The following MAGI2 variants were observed in gnomAD, a reference collection of about 807,000 sequenced individuals.
MAGI2 encodes membrane-associated guanylate kinase, WW and PDZ domain-containing protein 2.
Under a neutral mutation model 133.3 loss-of-function variants are expected in MAGI2, and 35 were observed. The observed-to-expected ratio is 0.26, with a 90% confidence interval of 0.20 to 0.35. MAGI2 has a LOEUF of 0.35. MAGI2 is among the 10% of genes least tolerant of loss of function. MAGI2 has a pLI of 1.00. For missense variants in MAGI2, 1,636 were observed against 1,863.4 expected (o/e 0.88, Z 2.25); for synonymous variants, 729 against 710.6 (o/e 1.03, Z -0.41).
intron 10 of MAGI2, chr7:78,252,467 A>G (rs565851884): frequency 3.3e-5 from 2 of 61,096 alleles, no homozygotes; most frequent in Admixed American, 1.4e-4. Flanking sequence ...GTACATAAGC[A>G]AAAAAAAAAA....
intron 1 of MAGI2, among the ~76,000 whole-genome samples, chr7:79,088,944 CA>C (rs2129542382): frequency 6.6e-6 from 1 of 151,994 alleles, no homozygotes; most frequent in South Asian, 2.1e-4. Flanking sequence ...CCAAAGTTGA[CA>C]AAGGGGATAT....
At chr7:79,320,064 T>C (rs1410337059) in intron 1 of MAGI2, among the ~76,000 whole-genome samples, 1 of 152,148 alleles carries the variant, frequency 6.6e-6, no homozygotes, top group Non-Finnish European at 1.5e-5. Flanking sequence ...GTGGTATGTC[T>C]TGGACATTCC....
intron 10 of MAGI2, among the ~76,000 whole-genome samples, chr7:78,248,447 T>G (rs1792028260): frequency 6.6e-6 from 1 of 152,114 alleles, no homozygotes. Context: ...TGTAAATGGA[T>G]TGAAATCTCC....
At chr7:78,627,023 A>G (rs1385597780) in intron 3 of MAGI2, 97 bp downstream of exon 3, 3 of 1,306,162 alleles carry the variant, frequency 2.3e-6, no homozygotes, top group Non-Finnish European at 3.0e-6. Flanking sequence ...CTCAAACCCA[A>G]AACAGCCCAT....
At chr7:79,084,470 T>A (rs1368873739) in intron 1 of MAGI2, among the ~76,000 whole-genome samples, 2 of 151,806 alleles carry the variant, frequency 1.3e-5, no homozygotes, top group Non-Finnish European at 3.0e-5. Flanking sequence ...CAAATTTTCC[T>A]CTATTAATCA....
intron 2 of MAGI2, among the ~76,000 whole-genome samples, chr7:78,990,621 T>A (rs1805665155): frequency 6.6e-6 from 1 of 152,054 alleles, no homozygotes; most frequent in Non-Finnish European, 1.5e-5. Flanking sequence ...GAATCTGTCT[T>A]CTACACTGCT....
At chr7:78,223,444 G>T (rs181688424) in intron 10 of MAGI2, among the ~76,000 whole-genome samples, 1 of 152,242 alleles carries the variant, frequency 6.6e-6, no homozygotes, top group African/African-American at 2.4e-5. Context: ...TACTTGTAAA[G>T]AGGGAAGACA....
intron 1 of MAGI2, among the ~76,000 whole-genome samples, chr7:79,260,025 G>A (rs1305592354): frequency 6.6e-6 from 1 of 152,188 alleles, no homozygotes; most frequent in Non-Finnish European, 1.5e-5. Context: ...CAATACAAAT[G>A]TATTTAAACA....
chr7:78,302,001 G>C (rs1445734643), intron 9 of MAGI2, among the ~76,000 whole-genome samples: 2 of 152,178 alleles, frequency 1.3e-5, no homozygotes, highest in African/African-American at 2.4e-5. Context: ...AGAGCCCTGA[G>C]CACAGGGTCT....
intron 1 of MAGI2, among the ~76,000 whole-genome samples, chr7:79,206,924 C>T (rs1829107299): frequency 6.6e-6 from 1 of 151,784 alleles, no homozygotes; most frequent in Non-Finnish European, 1.5e-5. Context: ...CGTATATCAA[C>T]AAAGGTGAAA....
chr7:79,265,359 T>C (rs187970801), intron 1 of MAGI2, among the ~76,000 whole-genome samples: 9 of 152,276 alleles, frequency 5.9e-5, no homozygotes, highest in Admixed American at 3.9e-4. Context: ...GCACTACCTC[T>C]TCCCAGTAAA....
intron 1 of MAGI2, among the ~76,000 whole-genome samples, chr7:79,099,962 C>T (rs1435373845): frequency 6.6e-6 from 1 of 152,144 alleles, no homozygotes; most frequent in Non-Finnish European, 1.5e-5. Context: ...GTGTATATGT[C>T]CTTCTACACT....
intron 1 of MAGI2, among the ~76,000 whole-genome samples, chr7:79,038,332 T>G (rs73141487): frequency 1.8e-3 from 275 of 152,262 alleles, no homozygotes; most frequent in African/African-American, 6.1e-3. Flanking sequence ...TTCTTTTTAA[T>G]TCATGTATTT....
At chr7:79,171,755 TATATATA>T (rs1173803202) in intron 1 of MAGI2, among the ~76,000 whole-genome samples, 1 of 31,856 alleles carries the variant, frequency 3.1e-5, no homozygotes, top group South Asian at 6.8e-4. Flanking sequence ...TATATATATA[TATATATA>T]TATATATATT....
chr7:78,691,244 G>A (rs929998883), intron 2 of MAGI2, among the ~76,000 whole-genome samples: 2 of 152,136 alleles, frequency 1.3e-5, no homozygotes, highest in Non-Finnish European at 2.9e-5. Context: ...GGCCCCTCTA[G>A]TTGCTATTTA....
chr7:79,080,994 CA>C (rs1315641480), intron 1 of MAGI2, among the ~76,000 whole-genome samples: 1 of 152,094 alleles, frequency 6.6e-6, no homozygotes, highest in African/African-American at 2.4e-5. Flanking sequence ...CCAAAACACA[CA>C]GTTCCTATAT....
chr7:78,425,468 A>C (rs1203458274), intron 6 of MAGI2, among the ~76,000 whole-genome samples: 1 of 152,218 alleles, frequency 6.6e-6, no homozygotes, highest in Non-Finnish European at 1.5e-5. Flanking sequence ...AAATGTGTTT[A>C]CTTGAGGTCA....
At chr7:78,358,793 C>A in intron 7 of MAGI2, 1 of 182,428 alleles carries the variant, frequency 5.5e-6, no homozygotes, top group East Asian at 1.6e-4. Flanking sequence ...GCTCATGCGG[C>A]TGCAGAAACA....
Position 78,310,415 on chromosome 7 carries a change from T to C in MAGI2, c.1408+33363A>G, listed in dbSNP as rs541057701. On this transcript the variant is annotated intron_variant, in intron 9 of 21. Transcript: ENST00000354212. ...ACGTCACTGCACTCCAGCCTGGCAATAGAGCGAGACTCCAGCTCAAAAAAA... is the reference window on the plus strand; with the variant it reads ...ACGTCACTGCACTCCAGCCTGGCAACAGAGCGAGACTCCAGCTCAAAAAAA... Among the ~76,000 whole-genome samples the C allele has an allele frequency of 5.3e-5, 8 of 152,138 alleles. No homozygotes were observed. The East Asian group carries it at 7.7e-4, about 15-fold the overall frequency.
Sources: gnomAD v4.1 joint callset for allele counts (sites outside exome capture counted in the v4.1 genomes callset) on GRCh38, gnomAD v4.1.1 for gene constraint, MANE v1.5 for transcripts, NCBI Gene and HGNC (gene_info 2026-07-23, HGNC 2026-07-21) for gene names.